The following RANBP2 variants were observed in gnomAD, a reference collection of about 807,000 sequenced individuals.
RANBP2 encodes the protein RAN binding protein 2.
A neutral mutation model predicts 303.6 loss-of-function variants in RANBP2; 57 were observed. The observed-to-expected ratio is 0.19, with a 90% confidence interval of 0.15 to 0.23. The LOEUF (loss-of-function observed/expected upper bound fraction) is 0.23. Ranked by LOEUF, RANBP2 falls within the 10% of genes least tolerant of loss-of-function variation. The pLI, the probability that RANBP2 is intolerant of heterozygous loss-of-function variation, is 1.00. For synonymous variants in RANBP2, 1,167 were observed against 1,301.5 expected (o/e 0.90, Z 2.23); for missense variants, 3,138 against 3,780.8 (o/e 0.83, Z 4.46).
In RANBP2 at chr2:108,735,741, G is replaced by C. The variant is rs1223310052; in HGVS notation, c.615G>C (p.Ser205=). Residue 205 remains serine, a synonymous_variant, in exon 5 of 29, where the codon TCG becomes TCC. Coordinates refer to ENST00000283195, the MANE Select transcript of RANBP2 (RefSeq NM_006267.5). ...TGCGTTCAAGTTTAGAATGGAATTCGTGTGTTGTACAGACCCTTAAGGTAG... is the reference window on the plus strand; with the variant it reads ...TGCGTTCAAGTTTAGAATGGAATTCCTGTGTTGTACAGACCCTTAAGGTAG... ...IALRSSLEWN[S]CVVQTLKEYL... is the part of the protein sequence containing the mutation. 1.3e-6 allele frequency: 2 copies of C among 1,597,586 alleles called. No individual in the cohort carries two copies. Among genetic ancestry groups the C allele is most frequent in the Non-Finnish European group, 8.5e-7 (1 of 1,179,786 alleles).
At chr2:108,794,025 G>A in the RANBP2 span, among the ~76,000 whole-genome samples, 1 of 152,074 alleles carries the variant, frequency 6.6e-6, no homozygotes, top group Non-Finnish European at 1.5e-5. Context: ...TGCAAAATAG[G>A]ATATACAGTG....
the RANBP2 span, among the ~76,000 whole-genome samples, chr2:109,579,011 T>C: frequency 4.9e-4 from 74 of 151,960 alleles, no homozygotes; most frequent in South Asian, 1.2e-3. Context: ...TTTGAAAAGA[T>C]TAAATAAATT....
At chr2:109,491,049 A>T in the RANBP2 span, 1 of 1,023,842 alleles carries the variant, frequency 9.8e-7, no homozygotes, top group Non-Finnish European at 1.3e-6. Context: ...GGTTTACCAG[A>T]TGTACCTCAA....
chr2:109,565,575 T>A, the RANBP2 span, among the ~76,000 whole-genome samples: 11,577 of 152,086 alleles, frequency 0.076, 800 homozygotes, highest in African/African-American at 0.18. Flanking sequence ...GCGGGGGTAA[T>A]GTGTGTGTGG....
chr2:109,545,755 G>A, the RANBP2 span: 1 of 1,426,540 alleles, frequency 7.0e-7, no homozygotes. Flanking sequence ...TTCAATAAGA[G>A]CAGCCATTTT....
the RANBP2 span, among the ~76,000 whole-genome samples, chr2:109,335,458 G>T: frequency 6.6e-6 from 1 of 152,078 alleles, no homozygotes; most frequent in African/African-American, 2.4e-5. Flanking sequence ...GCCCCTCAGG[G>T]CTGGGACATG....
the RANBP2 span, among the ~76,000 whole-genome samples, chr2:109,036,595 T>C: frequency 6.6e-6 from 1 of 152,210 alleles, no homozygotes. Flanking sequence ...AATGATTATA[T>C]CATTTGATGC....
the RANBP2 span, among the ~76,000 whole-genome samples, chr2:109,288,868 G>A: frequency 6.6e-6 from 1 of 152,064 alleles, no homozygotes; most frequent in Non-Finnish European, 1.5e-5. Context: ...AAAACAGATG[G>A]GTGTTCCGTA....
chr2:108,791,789 A>T, the RANBP2 span: 1 of 1,585,394 alleles, frequency 6.3e-7, no homozygotes. Flanking sequence ...AGTCTTTTAA[A>T]GAAATAGAAA....
At chr2:109,457,140 G>C in the RANBP2 span, among the ~76,000 whole-genome samples, 1 of 152,224 alleles carries the variant, frequency 6.6e-6, no homozygotes, top group African/African-American at 2.4e-5. Flanking sequence ...ACCCTGAGTT[G>C]TTGGGAGTAG....
chr2:109,653,679 TCA>T, the RANBP2 span, among the ~76,000 whole-genome samples: 1 of 152,148 alleles, frequency 6.6e-6, no homozygotes, highest in Admixed American at 6.5e-5. Context: ...GGTAAGCGGG[TCA>T]CACAAAATAA....
chr2:109,701,241 TCTCATAGGGATTTTCC>T, the RANBP2 span, among the ~76,000 whole-genome samples: 1 of 152,212 alleles, frequency 6.6e-6, no homozygotes, highest in African/African-American at 2.4e-5. Flanking sequence ...CATTATTTTC[TCTCATAGGGATTTTCC>T]CTTCGAACCT....
At chr2:109,505,079 C>T in the RANBP2 span, among the ~76,000 whole-genome samples, 15 of 152,324 alleles carry the variant, frequency 9.8e-5, no homozygotes, top group African/African-American at 3.4e-4. Flanking sequence ...TGGTCTTACC[C>T]TTGTCTCTCT....
chr2:108,748,296 C>A (rs1319822334), intron 8 of RANBP2, among the ~76,000 whole-genome samples: 1 of 151,644 alleles, frequency 6.6e-6, no homozygotes, highest in Non-Finnish European at 1.5e-5. Context: ...CAAGCTCCAC[C>A]TCCTGGGTTC....
At chr2:109,570,792 G>A in the RANBP2 span, among the ~76,000 whole-genome samples, 1 of 152,088 alleles carries the variant, frequency 6.6e-6, no homozygotes, top group East Asian at 1.9e-4. Context: ...AAAGTGCTGG[G>A]ATTACAAGCA....
At chr2:109,750,957 C>T in the RANBP2 span, among the ~76,000 whole-genome samples, 7 of 15,440 alleles carry the variant, frequency 4.5e-4, no homozygotes, top group Non-Finnish European at 9.5e-4. Context: ...CTCCTGACCT[C>T]GTGATCTGCC....
the RANBP2 span, among the ~76,000 whole-genome samples, chr2:109,018,327 G>A: frequency 3.3e-5 from 5 of 152,212 alleles, no homozygotes; most frequent in African/African-American, 4.8e-5. Flanking sequence ...AATCACAAAG[G>A]TGAGGTCTCA....
At chr2:108,887,157 G>A in the RANBP2 span, among the ~76,000 whole-genome samples, 1 of 151,834 alleles carries the variant, frequency 6.6e-6, no homozygotes, top group African/African-American at 2.4e-5. Flanking sequence ...ACAGTGTTTA[G>A]TTCTTTTTGG....
the RANBP2 span, chr2:109,371,556 C>G: frequency 6.3e-7 from 1 of 1,595,924 alleles, no homozygotes; most frequent in Non-Finnish European, 8.6e-7. Context: ...TGTCCGTATG[C>G]TTGTGTCCAC....
Sources: gnomAD v4.1 joint callset for allele counts (sites outside exome capture counted in the v4.1 genomes callset) on GRCh38, gnomAD v4.1.1 for gene constraint, MANE v1.5 for transcripts, NCBI Gene and HGNC (gene_info 2026-07-23, HGNC 2026-07-21) for gene names.